The following CSMD1 variants were observed in gnomAD, a reference collection of about 807,000 sequenced individuals.
CSMD1 encodes CUB and Sushi multiple domains 1.
CSMD1 carries 213 observed loss-of-function variants against 417.5 expected under a neutral mutation model. The observed-to-expected ratio is 0.51, with a 90% CI of 0.46 to 0.57. The LOEUF (loss-of-function observed/expected upper bound fraction) is 0.57. CSMD1 is among the 20% of genes least tolerant of loss of function. The pLI is 0.00. For synonymous variants in CSMD1, 2,862 were observed against 1,736.8 expected (o/e 1.65, Z -16.11); for missense variants, 6,923 against 4,529.7 (o/e 1.53, Z -15.17).
At chr8:4,463,772 A>C (rs1352057371) in intron 2 of CSMD1, among the ~76,000 whole-genome samples, 1 of 152,184 alleles carries the variant, frequency 6.6e-6, no homozygotes, top group African/African-American at 2.4e-5. Context: ...AGTGGGTACT[A>C]ATGGATACTG....
chr8:3,454,289 A>G (rs1815957754), intron 12 of CSMD1, among the ~76,000 whole-genome samples: 1 of 152,156 alleles, frequency 6.6e-6, no homozygotes, highest in Non-Finnish European at 1.5e-5. Flanking sequence ...GTGTCTTTTA[A>G]TTGGAGCATT....
At chr8:4,676,877 T>G (rs1359116072) in intron 1 of CSMD1, among the ~76,000 whole-genome samples, 3 of 150,350 alleles carry the variant, frequency 2.0e-5, no homozygotes, top group South Asian at 2.1e-4. Context: ...ATACATATTT[T>G]ATATATAGAG....
intron 3 of CSMD1, among the ~76,000 whole-genome samples, chr8:4,153,684 C>T (rs973687966): frequency 1.3e-5 from 2 of 152,170 alleles, no homozygotes; most frequent in African/African-American, 2.4e-5. Context: ...CTGGAATTTC[C>T]GCTTCCATCA....
chr8:4,012,366 T>C (rs1816610588), intron 4 of CSMD1, among the ~76,000 whole-genome samples: 1 of 152,184 alleles, frequency 6.6e-6, no homozygotes, highest in Non-Finnish European at 1.5e-5. Context: ...CCTAAATACA[T>C]TCATTCATTG....
intron 12 of CSMD1, among the ~76,000 whole-genome samples, chr8:3,418,293 C>T (rs995083575): frequency 2.0e-5 from 3 of 152,072 alleles, no homozygotes; most frequent in East Asian, 1.9e-4. Context: ...GTCTCAGCAG[C>T]TCATCTCGCT....
At chr8:3,330,617 G>T (rs1359414339) in intron 23 of CSMD1, among the ~76,000 whole-genome samples, 1 of 152,144 alleles carries the variant, frequency 6.6e-6, no homozygotes, top group Non-Finnish European at 1.5e-5. Context: ...TGAGAAGAGG[G>T]AGAGGATCAG....
intron 3 of CSMD1, among the ~76,000 whole-genome samples, chr8:4,255,471 A>G (rs1429114416): frequency 1.3e-5 from 2 of 152,192 alleles, no homozygotes; most frequent in Non-Finnish European, 2.9e-5. Flanking sequence ...TTCTATAAAG[A>G]CTTGTTCATT....
intron 26 of CSMD1, among the ~76,000 whole-genome samples, chr8:3,255,450 T>C (rs1585815302): frequency 1.3e-5 from 2 of 152,350 alleles, no homozygotes; most frequent in African/African-American, 4.8e-5. Context: ...TTGTTGTCTG[T>C]GCCCTGCCCC....
At chr8:4,289,222 G>A (rs545622942) in intron 3 of CSMD1, among the ~76,000 whole-genome samples, 2 of 151,934 alleles carry the variant, frequency 1.3e-5, no homozygotes, top group African/African-American at 4.8e-5. Flanking sequence ...GATACCTGTC[G>A]GTCATTTCTC....
intron 2 of CSMD1, among the ~76,000 whole-genome samples, chr8:4,519,285 C>A (rs1194848269): frequency 6.6e-6 from 1 of 151,722 alleles, no homozygotes; most frequent in East Asian, 1.9e-4. Context: ...TATAAAATAT[C>A]TTTTAAATGG....
intron 2 of CSMD1, among the ~76,000 whole-genome samples, chr8:4,495,361 G>C (rs1434580659): frequency 6.6e-6 from 1 of 152,168 alleles, no homozygotes; most frequent in African/African-American, 2.4e-5. Flanking sequence ...GGATCACGAA[G>C]TCAAGGGTTC....
chr8:3,883,154 C>T (rs912983177), intron 5 of CSMD1, among the ~76,000 whole-genome samples: 1 of 152,214 alleles, frequency 6.6e-6, no homozygotes, highest in East Asian at 1.9e-4. Flanking sequence ...CTTGCAAGCT[C>T]AGGCCTTGGA....
intron 25 of CSMD1, among the ~76,000 whole-genome samples, chr8:3,307,374 C>G (rs768731658): frequency 3.3e-5 from 5 of 151,576 alleles, no homozygotes; most frequent in Non-Finnish European, 7.4e-5. Context: ...CAGGCAGTCT[C>G]ACGCAGATCA....
intron 11 of CSMD1, among the ~76,000 whole-genome samples, chr8:3,470,655 A>C (rs1817036411): frequency 6.6e-6 from 1 of 152,272 alleles, no homozygotes; most frequent in Non-Finnish European, 1.5e-5. Context: ...CTCTTCCCTT[A>C]AAATCACACT....
chr8:4,671,318 A>G (rs1805310251), intron 1 of CSMD1, among the ~76,000 whole-genome samples: 2 of 152,142 alleles, frequency 1.3e-5, no homozygotes, highest in African/African-American at 4.8e-5. Context: ...GCAATTCTTT[A>G]TTCTTGTTTT....
chr8:3,885,018 A>G (rs939760800), intron 5 of CSMD1, among the ~76,000 whole-genome samples: 1 of 151,786 alleles, frequency 6.6e-6, no homozygotes, highest in African/African-American at 2.4e-5. Flanking sequence ...AAGCTCTGAA[A>G]TAAATGTACC....
chr8:4,173,948 A>T (rs546437031), intron 3 of CSMD1, among the ~76,000 whole-genome samples: 1 of 152,088 alleles, frequency 6.6e-6, no homozygotes, highest in Non-Finnish European at 1.5e-5. Flanking sequence ...CTCAGCCTTG[A>T]AACAAAAACA....
At chr8:3,304,718 T>C (rs1031898734) in intron 25 of CSMD1, among the ~76,000 whole-genome samples, 1 of 39,200 alleles carries the variant, frequency 2.6e-5, no homozygotes, top group Non-Finnish European at 6.6e-5. Context: ...TCAAATATTT[T>C]TTTATTTTTC....
chr8:3,585,844 C>A (rs1800576514), intron 9 of CSMD1, among the ~76,000 whole-genome samples: 1 of 152,278 alleles, frequency 6.6e-6, no homozygotes. Flanking sequence ...TATATTCACA[C>A]ACATGCACAC....
Sources: allele counts gnomAD v4.1 joint callset (sites outside exome capture counted in the v4.1 genomes callset), GRCh38; gene constraint gnomAD v4.1.1; transcripts MANE v1.5; gene names NCBI Gene and HGNC (gene_info 2026-07-23, HGNC 2026-07-21).